COL22A1: variants seen among roughly 807,000 people sequenced by gnomAD.
COL22A1 encodes collagen type XXII alpha 1 chain.
A neutral mutation model predicts 248.9 loss-of-function variants in COL22A1; 221 were observed. The ratio of observed to expected loss-of-function variants is 0.89; its 90% CI spans 0.80 to 0.99. The LOEUF (loss-of-function observed/expected upper bound fraction) is 0.99, where lower values mean the gene tolerates loss of function less well. Among genes scored for constraint, COL22A1 ranks in the 50% least tolerant of loss-of-function variants. The pLI is 0.00. For synonymous variants in COL22A1, 891 were observed against 793.4 expected (o/e 1.12, Z -2.07); for missense variants, 2,240 against 2,179.0 (o/e 1.03, Z -0.56).
chr8:138,623,743 G>A lies in COL22A1; in HGVS notation c.3760C>T (p.Pro1254Ser). ...KEGRDGKPGP[P>S]GEPGKAGEPG... Reference sequence around the variant, plus strand: ...TTAGAGTCCTTTACCGGCTCTCCAGGGGGACCCGGCTTTCCATCTCTGCCC... The same window carrying A: ...TTAGAGTCCTTTACCGGCTCTCCAGAGGGACCCGGCTTTCCATCTCTGCCC... Residue 1254 changes from proline to serine, a missense_variant, in exon 52 of 65, where the codon CCT becomes TCT. Transcript: ENST00000303045. 6.2e-7 allele frequency: 1 copy of A among 1,611,992 alleles called. No homozygotes were observed. The highest frequency in any genetic ancestry group is 1.7e-4 in the Middle Eastern group (1 of 6,040).
intron 30 of COL22A1, among the ~76,000 whole-genome samples, chr8:138,705,562 T>A (rs1420004706): frequency 6.6e-6 from 1 of 152,084 alleles, no homozygotes; most frequent in Non-Finnish European, 1.5e-5. Context: ...AATAAAATCC[T>A]TTACAGACAA....
chr8:138,844,002 C>A (rs967156133), intron 4 of COL22A1, 82 bp downstream of exon 4: 3 of 1,236,472 alleles, frequency 2.4e-6, no homozygotes, highest in Non-Finnish European at 3.6e-6. Context: ...AGTGAGGCCA[C>A]CCCTGAATTG....
intron 23 of COL22A1, among the ~76,000 whole-genome samples, chr8:138,729,697 T>C (rs1425248056): frequency 6.6e-6 from 1 of 152,084 alleles, no homozygotes; most frequent in Non-Finnish European, 1.5e-5. Context: ...ACGCCAGGTG[T>C]GGTGGCAGGA....
chr8:138,780,788 G>C, intron 13 of COL22A1, 139 bp downstream of exon 13: 1 of 745,278 alleles, frequency 1.3e-6, no homozygotes, highest in Non-Finnish European at 2.4e-6. Flanking sequence ...CCTGGTATCT[G>C]CGAGGATCCT....
At chr8:138,783,409 G>C (rs1406069546) in intron 12 of COL22A1, among the ~76,000 whole-genome samples, 2 of 152,120 alleles carry the variant, frequency 1.3e-5, no homozygotes, top group African/African-American at 4.8e-5. Context: ...CAAAACTGAG[G>C]AACCTGGAGT....
intron 52 of COL22A1, among the ~76,000 whole-genome samples, chr8:138,622,188 G>C (rs527621491): frequency 6.6e-6 from 1 of 152,248 alleles, no homozygotes; most frequent in East Asian, 1.9e-4. Flanking sequence ...CTACAACTAG[G>C]GCAGCTGGGA....
chr8:138,837,606 G>A (rs1482888873), intron 4 of COL22A1, among the ~76,000 whole-genome samples: 2 of 152,114 alleles, frequency 1.3e-5, no homozygotes, highest in African/African-American at 4.8e-5. Flanking sequence ...TACAACAAGG[G>A]GCCTTTGACA....
At chr8:138,707,763 A>G (rs886086816) in intron 30 of COL22A1, among the ~76,000 whole-genome samples, 1 of 152,230 alleles carries the variant, frequency 6.6e-6, no homozygotes, top group African/African-American at 2.4e-5. Context: ...CCTATTCAAC[A>G]TAGTGTTGGA....
intron 47 of COL22A1, among the ~76,000 whole-genome samples, chr8:138,645,677 G>T (rs997712118): frequency 2.0e-5 from 3 of 152,162 alleles, no homozygotes; most frequent in African/African-American, 4.8e-5. Context: ...AGGCCAGAAA[G>T]GTTAAGAAAC....
chr8:138,858,529 T>G (rs1005366792), intron 3 of COL22A1, among the ~76,000 whole-genome samples: 1 of 152,022 alleles, frequency 6.6e-6, no homozygotes, highest in Admixed American at 6.6e-5. Context: ...TACAGGCACA[T>G]GCCCACCACA....
chr8:138,692,111 G>A (rs1827043012), intron 35 of COL22A1, among the ~76,000 whole-genome samples: 1 of 76,734 alleles, frequency 1.3e-5, no homozygotes, highest in Non-Finnish European at 2.8e-5. Context: ...CGTTTGTGGA[G>A]GTGTGTGTAT....
At chr8:138,597,341 G>C (rs1817627704) in intron 61 of COL22A1, among the ~76,000 whole-genome samples, 1 of 152,158 alleles carries the variant, frequency 6.6e-6, no homozygotes, top group African/African-American at 2.4e-5. Context: ...TGCTGCCAAA[G>C]TTGTGTCCAC....
rs557980446 is a variant in COL22A1 at position 138,813,482 on chromosome 8, G to A, written c.1246-463C>T. ...CTGCCATGACTGTGAGGCCTCCCCA[G>A]CCATATGGAACCGTGAGTCAATTAA... On this transcript the variant is annotated intron_variant, in intron 7 of 64. Transcript: ENST00000303045. Among the ~76,000 whole-genome samples, 4 of 152,272 alleles carry A rather than the reference G, an allele frequency of 2.6e-5. No individual in the cohort carries two copies. In the East Asian group the frequency reaches 7.7e-4, roughly 29 times the overall value.
intron 4 of COL22A1, among the ~76,000 whole-genome samples, chr8:138,835,281 T>C (rs1440131912): frequency 6.6e-6 from 1 of 152,200 alleles, no homozygotes; most frequent in Non-Finnish European, 1.5e-5. Context: ...ATTCATGATA[T>C]AATTGTTAAA....
intron 35 of COL22A1, 84 bp from the exon 36 acceptor site, chr8:138,690,958 C>G: frequency 9.2e-7 from 1 of 1,081,616 alleles, no homozygotes; most frequent in Non-Finnish European, 1.3e-6. Context: ...CTGCCTCATA[C>G]TCAATTCACC....
At chr8:138,840,553 A>ACG (rs1362331725) in intron 4 of COL22A1, among the ~76,000 whole-genome samples, 7 of 149,848 alleles carry the variant, frequency 4.7e-5, no homozygotes, top group Admixed American at 6.6e-5. Context: ...ACACACACAC[A>ACG]CACACGCGCT....
At chr8:138,643,916 G>A (rs1821969651) in intron 47 of COL22A1, among the ~76,000 whole-genome samples, 1 of 151,908 alleles carries the variant, frequency 6.6e-6, no homozygotes, top group Admixed American at 6.6e-5. Flanking sequence ...CAAGTAGCTG[G>A]AATTACAGAT....
chr8:138,644,403 A>T (rs1334209363), intron 47 of COL22A1, among the ~76,000 whole-genome samples: 1 of 152,184 alleles, frequency 6.6e-6, no homozygotes, highest in Non-Finnish European at 1.5e-5. Context: ...CTGTGACCGT[A>T]AGGGCTAAAA....
intron 51 of COL22A1, among the ~76,000 whole-genome samples, chr8:138,625,721 C>T (rs933010134): frequency 6.6e-6 from 1 of 152,122 alleles, no homozygotes; most frequent in African/African-American, 2.4e-5. Flanking sequence ...GTTTATGAGG[C>T]AACTGAGAAA....
Sources: gnomAD v4.1 joint callset for allele counts (sites outside exome capture counted in the v4.1 genomes callset) on GRCh38, gnomAD v4.1.1 for gene constraint, MANE v1.5 for transcripts, NCBI Gene and HGNC (gene_info 2026-07-23, HGNC 2026-07-21) for gene names.